TP53BP2: variants seen among roughly 807,000 people sequenced by gnomAD.
TP53BP2 encodes the protein apoptosis-stimulating of p53 protein 2.
A neutral mutation model predicts 126.2 loss-of-function variants in TP53BP2; 62 were observed. The observed-to-expected ratio is 0.49, with a 90% CI of 0.40 to 0.61. The LOEUF (loss-of-function observed/expected upper bound fraction) is 0.61. TP53BP2 is among the 20% of genes least tolerant of loss of function. TP53BP2 has a pLI of 0.00. For synonymous variants in TP53BP2, 485 were observed against 502.9 expected (o/e 0.96, Z 0.48); for missense variants, 1,215 against 1,402.8 (o/e 0.87, Z 2.14).
At chr1:223,781,215 C>T (rs557325309) in intron 17 of TP53BP2, among the ~76,000 whole-genome samples, 54 of 152,136 alleles carry the variant, frequency 3.5e-4, no homozygotes, top group Non-Finnish European at 2.5e-4. Context: ...CTATGTAAAT[C>T]GGCTCTAACA....
intron 1 of TP53BP2, among the ~76,000 whole-genome samples, chr1:223,840,202 G>C (rs1664060308): frequency 6.6e-6 from 1 of 152,182 alleles, no homozygotes; most frequent in African/African-American, 2.4e-5. Context: ...CTTAAAACTT[G>C]ATGCTCATAA....
chr1:223,802,556 TAATAACA>T lies in TP53BP2; in HGVS notation c.996+168_996+174del. The T allele has an allele frequency of 3.4e-6, 3 of 893,190 alleles. No homozygotes were observed. In the East Asian group the frequency reaches 7.6e-5, roughly 23 times the overall value. The allele number at this position is 893,190 out of a possible 1,614,324, so 55.3% of individuals were successfully genotyped here. ...TTAGAGACAAACAGAGCTACACAGG[TAATAACA>T]TTAAAAAGTAAAAAAGCAGCGGATT... is the stretch of plus-strand genomic sequence containing the variant. On this transcript the variant is annotated intron_variant, in intron 8 of 17. Transcript: ENST00000343537.
intron 1 of TP53BP2, chr1:223,845,388 G>A (rs2102898148): frequency 2.0e-6 from 1 of 507,078 alleles, no homozygotes; most frequent in East Asian, 1.5e-4. Context: ...TGGGCTCGCG[G>A]GCGGCTCGCC....
intron 3 of TP53BP2, among the ~76,000 whole-genome samples, chr1:223,811,595 A>C (rs911293185): frequency 1.3e-5 from 2 of 152,208 alleles, no homozygotes; most frequent in African/African-American, 4.8e-5. Context: ...GAGAGCACTT[A>C]ACTAGTTTCT....
chr1:223,841,840 T>C (rs1186286915), intron 1 of TP53BP2, among the ~76,000 whole-genome samples: 1 of 151,998 alleles, frequency 6.6e-6, no homozygotes, highest in Non-Finnish European at 1.5e-5. Context: ...AAAGATAAAA[T>C]GCCATAAACT....
chr1:223,812,702 G>C (rs1411951122), intron 3 of TP53BP2, among the ~76,000 whole-genome samples: 1 of 152,160 alleles, frequency 6.6e-6, no homozygotes, highest in Non-Finnish European at 1.5e-5. Flanking sequence ...TGGGATCACA[G>C]GCACATGCCA....
intron 4 of TP53BP2, among the ~76,000 whole-genome samples, chr1:223,808,629 A>G (rs1662806180): frequency 6.6e-6 from 1 of 152,010 alleles, no homozygotes; most frequent in African/African-American, 2.4e-5. Context: ...TAAAACTGCA[A>G]ACTACAAAAC....
At chr1:223,797,133 G>A (rs1483772508) in intron 12 of TP53BP2, among the ~76,000 whole-genome samples, 1 of 151,904 alleles carries the variant, frequency 6.6e-6, no homozygotes, top group South Asian at 2.1e-4. Context: ...CCCATGAAAA[G>A]AAGAGTAAGA....
intron 1 of TP53BP2, among the ~76,000 whole-genome samples, chr1:223,844,283 C>T (rs907659086): frequency 6.6e-6 from 1 of 152,180 alleles, no homozygotes; most frequent in African/African-American, 2.4e-5. Context: ...TTCGGCTACA[C>T]AACGGATACC....
intron 16 of TP53BP2, 59 bp from the exon 17 acceptor site, chr1:223,784,373 C>G (rs972920847): frequency 6.5e-7 from 1 of 1,528,086 alleles, no homozygotes; most frequent in African/African-American, 1.4e-5. Context: ...TACCACTCTA[C>G]AACTTTTAGC....
chr1:223,799,333 A>G (rs1662451370), intron 11 of TP53BP2, among the ~76,000 whole-genome samples: 1 of 152,092 alleles, frequency 6.6e-6, no homozygotes, highest in Non-Finnish European at 1.5e-5. Flanking sequence ...ATGCAATACA[A>G]TCTCTTCCCT....
At chr1:223,787,179 A>G (rs1030072449) in intron 16 of TP53BP2, among the ~76,000 whole-genome samples, 10 of 152,166 alleles carry the variant, frequency 6.6e-5, no homozygotes, top group Non-Finnish European at 1.3e-4. Flanking sequence ...TACAGGCATG[A>G]GCCACCACAC....
chr1:223,844,938 C>G (rs1243104635), intron 1 of TP53BP2, among the ~76,000 whole-genome samples: 1 of 152,226 alleles, frequency 6.6e-6, no homozygotes, highest in Non-Finnish European at 1.5e-5. Context: ...CCGCAAACCT[C>G]CATTCCGCGA....
chr1:223,843,797 A>G (rs186946640), intron 1 of TP53BP2, among the ~76,000 whole-genome samples: 3 of 152,248 alleles, frequency 2.0e-5, no homozygotes, highest in Non-Finnish European at 2.9e-5. Flanking sequence ...TATACTTAAT[A>G]AAAGTTTTAT....
At chr1:223,811,260 T>C (rs1662899022) in intron 3 of TP53BP2, among the ~76,000 whole-genome samples, 1 of 152,116 alleles carries the variant, frequency 6.6e-6, no homozygotes. Context: ...CAACAGAGAA[T>C]TTTAAAAATA....
chr1:223,798,164 A>C (rs1460244125), intron 12 of TP53BP2, 51 bp downstream of exon 12: 2 of 1,534,914 alleles, frequency 1.3e-6, no homozygotes, highest in African/African-American at 2.8e-5. Context: ...GGATGGCTTA[A>C]GTTCTGGTAT....
chr1:223,801,511 T>C (rs1662526482), intron 9 of TP53BP2, among the ~76,000 whole-genome samples: 1 of 152,200 alleles, frequency 6.6e-6, no homozygotes, highest in Non-Finnish European at 1.5e-5. Context: ...CCCCAATTTT[T>C]CTACAATTCT....
At chr1:223,798,889 G>GA (rs2102848725) in intron 11 of TP53BP2, among the ~76,000 whole-genome samples, 1 of 152,122 alleles carries the variant, frequency 6.6e-6, no homozygotes, top group East Asian at 1.9e-4. Flanking sequence ...GGCCAATATG[G>GA]TGAAACCCCG....
chr1:223,804,233 T>TTTAGC lies in TP53BP2; in HGVS notation c.585_589dup (p.Lys197SerfsTer2). The TTTAGC allele has an allele frequency of 6.2e-7, 1 of 1,614,226 alleles. No homozygotes were observed. The highest frequency in any genetic ancestry group is 8.5e-7 in the Non-Finnish European group (1 of 1,180,032). ...GTGGCCTTTAAGTGCTCTCACTTTT[T>TTTAGC]TTAGCTTAGCTTCCTGATTCTCAGC... On this transcript the variant is annotated stop_gained and frameshift_variant, in exon 6 of 18. Transcript: ENST00000343537. LOFTEE classifies it high-confidence loss of function.
Sources: allele counts gnomAD v4.1 joint callset (sites outside exome capture counted in the v4.1 genomes callset), GRCh38; gene constraint gnomAD v4.1.1; transcripts MANE v1.5; gene names NCBI Gene and HGNC (gene_info 2026-07-23, HGNC 2026-07-21).